ZNF578: variants seen among roughly 807,000 people sequenced by gnomAD.
ZNF578 encodes zinc finger protein 578.
A neutral mutation model predicts 8.3 loss-of-function variants in ZNF578; 8 were observed. The ratio of observed to expected loss-of-function variants is 0.96; its 90% CI spans 0.56 to 1.74. The LOEUF is 1.74. ZNF578 is among the 40% of genes most tolerant of loss of function. The probability of loss-of-function intolerance (pLI) is 0.00; values close to 1 mark genes in which losing one functional copy is unlikely to be tolerated. For missense variants in ZNF578, 726 were observed against 707.5 expected, an observed-to-expected ratio of 1.03 and a Z score of -0.30; for synonymous variants, 206 against 232.2, an observed-to-expected ratio of 0.89 and a Z score of 1.03.
chr19:52,459,767 A>T (rs868584025), intron 2 of ZNF578, among the ~76,000 whole-genome samples: 438 of 6,012 alleles, frequency 0.073, 89 homozygotes, highest in African/African-American at 0.1. Context: ...ATATATATAT[A>T]TATTTTTTTT....
Position 52,516,478 on chromosome 19 carries a change from G to T in ZNF578, c.*4324G>T, listed in dbSNP as rs890658413. Among the ~76,000 whole-genome samples, 9 of 152,168 alleles carry T rather than the reference G, an allele frequency of 5.9e-5. No homozygotes were observed. The highest frequency in any genetic ancestry group is 3.3e-4 in the Admixed American group (5 of 15,276). On this transcript the variant is annotated 3_prime_UTR_variant, in exon 6 of 6. Coordinates refer to ENST00000421239, the MANE Select transcript of ZNF578 (RefSeq NM_001099694.2). Reference sequence around the variant, plus strand: ...GGGGACTGTATTTGCTCAGGGTGAGGTCTCCTTTGTGTCAGGCCTCTGAGC... The same window carrying T: ...GGGGACTGTATTTGCTCAGGGTGAGTTCTCCTTTGTGTCAGGCCTCTGAGC...
At chr19:52,508,514 T>C (rs563724508) in intron 5 of ZNF578, among the ~76,000 whole-genome samples, 2 of 151,384 alleles carry the variant, frequency 1.3e-5, no homozygotes, top group South Asian at 4.2e-4. Flanking sequence ...CAGATGATAG[T>C]GGACCGAGCG....
In ZNF578 at chr19:52,487,010, A is replaced by G. The variant is rs114491747; in HGVS notation, c.-121-4314A>G. On this transcript the variant is annotated intron_variant, in intron 2 of 5. Transcript: ENST00000421239. Reference sequence around the variant, plus strand: ...GAGAGAAGGGGAGAATGAGAGAGATATACAGAATTAGGGAGGGAAGTGCAG... The same window carrying G: ...GAGAGAAGGGGAGAATGAGAGAGATGTACAGAATTAGGGAGGGAAGTGCAG... 3.1e-3 allele frequency among the ~76,000 whole-genome samples: 474 copies of G among 151,752 alleles called. 2 individuals are homozygous for G. The highest frequency in any genetic ancestry group is 0.011 in the African/African-American group (451 of 41,390).
intron 2 of ZNF578, among the ~76,000 whole-genome samples, chr19:52,486,740 G>A (rs802586): frequency 0.14 from 21,299 of 151,830 alleles, 1,730 homozygotes; most frequent in African/African-American, 0.22. Context: ...AGGGAAGAGA[G>A]AATTTAACAG....
intron 2 of ZNF578, among the ~76,000 whole-genome samples, chr19:52,462,574 C>G (rs1370543902): frequency 2.0e-5 from 3 of 152,180 alleles, no homozygotes; most frequent in Non-Finnish European, 2.9e-5. Flanking sequence ...GCAATCATAG[C>G]CACGATGAGG....
At chr19:52,454,590 G>A (rs547819029) in intron 1 of ZNF578, 1 of 127,646 alleles carries the variant, frequency 7.8e-6, no homozygotes, top group African/African-American at 2.8e-5. Flanking sequence ...TTGTTTTAAA[G>A]GATATTACAA....
chr19:52,467,468 T>C (rs1185670560), intron 2 of ZNF578, among the ~76,000 whole-genome samples: 1 of 151,964 alleles, frequency 6.6e-6, no homozygotes, highest in Non-Finnish European at 1.5e-5. Context: ...ATAAAAAATT[T>C]AGCTGAGCGT....
chr19:52,496,361 G>A (rs1283367909), intron 3 of ZNF578, among the ~76,000 whole-genome samples: 5 of 108,688 alleles, frequency 4.6e-5, no homozygotes, highest in Admixed American at 1.9e-4. Context: ...ACAGAGTCTC[G>A]CTCTGTCACC....
intron 5 of ZNF578, among the ~76,000 whole-genome samples, chr19:52,508,186 A>C (rs1196016332): frequency 6.6e-6 from 1 of 151,956 alleles, no homozygotes; most frequent in African/African-American, 2.4e-5. Context: ...TGCTACTAAT[A>C]ATATAAAAAT....
Position 52,516,608 on chromosome 19 carries a change from A to G in ZNF578, c.*4454A>G, listed in dbSNP as rs1311339409. Reference sequence around the variant, plus strand: ...AGTGAAAATACCCTTAAGTGATGACATTCCACCATTGTGATTTATTTCTGC... The same window carrying G: ...AGTGAAAATACCCTTAAGTGATGACGTTCCACCATTGTGATTTATTTCTGC... On this transcript the variant is annotated 3_prime_UTR_variant, in exon 6 of 6. Coordinates refer to ENST00000421239, the MANE Select transcript of ZNF578 (RefSeq NM_001099694.2). 2.6e-5 allele frequency among the ~76,000 whole-genome samples: 4 copies of G among 152,180 alleles called. No homozygotes were observed. Among genetic ancestry groups the G allele is most frequent in the Non-Finnish European group, 5.9e-5 (4 of 68,028 alleles).
At chr19:52,464,667 G>T (rs324113) in intron 2 of ZNF578, among the ~76,000 whole-genome samples, 144,889 of 152,172 alleles carry the variant, frequency 0.95, 69,243 homozygotes, top group African/African-American at 0.98. Flanking sequence ...TTGCTGCACA[G>T]AGTATGTCAT....
chr19:52,515,846 A>C lies in ZNF578; in HGVS notation c.*3692A>C, dbSNP rs1401439280. Among the ~76,000 whole-genome samples, 1 of 152,272 alleles carries C rather than the reference A, an allele frequency of 6.6e-6. No homozygotes were observed. The highest frequency in any genetic ancestry group is 1.9e-4 in the East Asian group (1 of 5,170). On this transcript the variant is annotated 3_prime_UTR_variant, in exon 6 of 6. Coordinates refer to ENST00000421239, the MANE Select transcript of ZNF578 (RefSeq NM_001099694.2). Reference sequence around the variant, plus strand: ...AAGAAATAGAGGTAGACTCAGACACAGAGACCATCTTCAAGGCCTTTCTCT... The same window carrying C: ...AAGAAATAGAGGTAGACTCAGACACCGAGACCATCTTCAAGGCCTTTCTCT...
At chr19:52,500,901 TAG>T (rs2122933586) in intron 3 of ZNF578, among the ~76,000 whole-genome samples, 1 of 132,586 alleles carries the variant, frequency 7.5e-6, no homozygotes, top group East Asian at 2.2e-4. Context: ...TTTTTTGAGA[TAG>T]AGTCTTGCTC....
intron 2 of ZNF578, among the ~76,000 whole-genome samples, chr19:52,471,197 A>T (rs1432113006): frequency 1.3e-5 from 2 of 152,126 alleles, no homozygotes; most frequent in Admixed American, 1.3e-4. Context: ...TTCTTTATAA[A>T]TTACCCAGTG....
At chr19:52,464,129 T>C (rs1397699202) in intron 2 of ZNF578, among the ~76,000 whole-genome samples, 2 of 152,166 alleles carry the variant, frequency 1.3e-5, no homozygotes, top group East Asian at 3.8e-4. Flanking sequence ...AAATATACTG[T>C]AAGTGTTTTT....
chr19:52,512,030 G>A lies in ZNF578; in HGVS notation c.1649G>A (p.Cys550Tyr). ...AAGGTTTGTGACAAGGCTTTCATGT[G>A]CCATTCTTATCTGGCAAACCATACT... ...KCKVCDKAFM[C>Y]HSYLANHTRI... The change falls in exon 6 of 6, where the codon TGC (cysteine) becomes TAC (tyrosine). Residue 550 changes from cysteine (C) to tyrosine (Y), a missense_variant. Transcript: ENST00000421239. 6.2e-7 allele frequency: 1 copy of A among 1,612,838 alleles called. No homozygotes were observed. The highest frequency in any genetic ancestry group is 8.5e-7 in the Non-Finnish European group (1 of 1,179,650).
Position 52,512,153 on chromosome 19 carries a change from A to G in ZNF578, c.1772A>G (p.Ter591TrpextTer11), listed in dbSNP as rs573270180. ...DSSIKPCMSS[*>W] ...TCAATCAAGCCTTGCATGTCATCAT[A>G]GACTTCATACTGGAGAGAAACCTTA... The change falls in exon 6 of 6, where the codon TAG (stop) becomes TGG (tryptophan). Residue 591 changes from the stop codon to tryptophan (W), a stop_lost. Coordinates refer to ENST00000421239, the MANE Select transcript of ZNF578 (RefSeq NM_001099694.2). 1.2e-6 allele frequency: 2 copies of G among 1,613,914 alleles called. No individual in the cohort carries two copies. The highest frequency in any genetic ancestry group is 2.2e-5 in the South Asian group (2 of 91,068).
chr19:52,473,483 T>A (rs1568457629), intron 2 of ZNF578: 3 of 154,410 alleles, frequency 1.9e-5, no homozygotes, highest in Non-Finnish European at 4.4e-5. Context: ...ACTACATTTT[T>A]AAGGTTTCTG....
chr19:52,484,644 C>G (rs2059338566), intron 2 of ZNF578, among the ~76,000 whole-genome samples: 1 of 151,926 alleles, frequency 6.6e-6, no homozygotes, highest in Non-Finnish European at 1.5e-5. Flanking sequence ...GACATTCCAC[C>G]ACAAAAGAAG....
Sources: gnomAD v4.1 joint callset for allele counts (sites outside exome capture counted in the v4.1 genomes callset) on GRCh38, gnomAD v4.1.1 for gene constraint, MANE v1.5 for transcripts, NCBI Gene and HGNC (gene_info 2026-07-23, HGNC 2026-07-21) for gene names.